Variants in SGCZ observed in about 807,000 individuals in gnomAD.
SGCZ encodes the protein sarcoglycan zeta.
SGCZ carries 40 observed loss-of-function variants against 41.3 expected under a neutral mutation model. That is an observed-to-expected ratio of 0.97 (90% CI 0.75 to 1.26). The LOEUF (loss-of-function observed/expected upper bound fraction) is 1.26, where lower values mean the gene tolerates loss of function less well. SGCZ is among the 50% of genes most tolerant of loss of function. The pLI, the probability that SGCZ is intolerant of heterozygous loss-of-function variation, is 0.00. For missense variants in SGCZ, 552 were observed against 369.8 expected (o/e 1.49, Z -4.04); for synonymous variants, 206 against 137.5 (o/e 1.50, Z -3.49).
chr8:15,073,932 A>T (rs1199970757), intron 1 of SGCZ, among the ~76,000 whole-genome samples: 1 of 152,220 alleles, frequency 6.6e-6, no homozygotes, highest in African/African-American at 2.4e-5. Context: ...TTATCTCTGC[A>T]CATAGGCCAA....
intron 2 of SGCZ, among the ~76,000 whole-genome samples, chr8:14,516,056 T>G (rs1055330189): frequency 2.0e-5 from 3 of 152,048 alleles, no homozygotes; most frequent in Non-Finnish European, 4.4e-5. Context: ...TTGTTAGACA[T>G]AGTGTGGACT....
At chr8:14,775,460 A>AC (rs1358479725) in intron 1 of SGCZ, among the ~76,000 whole-genome samples, 1 of 149,318 alleles carries the variant, frequency 6.7e-6, no homozygotes, top group Middle Eastern at 3.4e-3. Flanking sequence ...AGAATATTTG[A>AC]GTGTGTGTGT....
chr8:14,111,431 T>C (rs904662253), intron 5 of SGCZ, among the ~76,000 whole-genome samples: 2 of 152,086 alleles, frequency 1.3e-5, no homozygotes, highest in Non-Finnish European at 2.9e-5. Flanking sequence ...TCACAGGCTC[T>C]AGAAACCATA....
chr8:14,974,863 G>T (rs1219322672), intron 1 of SGCZ, among the ~76,000 whole-genome samples: 11 of 90,740 alleles, frequency 1.2e-4, no homozygotes, highest in Admixed American at 7.9e-4. Flanking sequence ...AGTGATTTTA[G>T]GAAAAAAAAA....
intron 1 of SGCZ, among the ~76,000 whole-genome samples, chr8:14,941,730 C>A (rs960220074): frequency 6.6e-5 from 10 of 151,564 alleles, no homozygotes; most frequent in African/African-American, 2.4e-4. Context: ...TCTATTCATA[C>A]GTTTATTAGA....
rs577020005 is a variant in SGCZ, at chr8:14,566,400, C to T, written c.40-11474G>A. ...AGATGGGGCCAGTGTGGGTAGATCT[C>T]TCCATCCCTGCTGGGTCGATTCCCT... On this transcript the variant is annotated intron_variant, in intron 1 of 7. Coordinates refer to ENST00000382080, the MANE Select transcript of SGCZ (RefSeq NM_139167.4). 8.8e-3 allele frequency among the ~76,000 whole-genome samples: 1,302 copies of T among 147,960 alleles called. 18 individuals are homozygous for T. The highest frequency in any genetic ancestry group is 0.029 in the African/African-American group (1,187 of 40,950).
At chr8:14,913,338 T>A (rs751010852) in intron 1 of SGCZ, among the ~76,000 whole-genome samples, 1 of 152,044 alleles carries the variant, frequency 6.6e-6, no homozygotes, top group African/African-American at 2.4e-5. Context: ...AGAACAACAC[T>A]GTCTTAATTG....
intron 1 of SGCZ, among the ~76,000 whole-genome samples, chr8:15,201,600 G>A (rs1402284574): frequency 1.3e-5 from 2 of 152,192 alleles, no homozygotes; most frequent in South Asian, 2.1e-4. Context: ...CATTGAGTCT[G>A]CATCTAGGCT....
intron 3 of SGCZ, among the ~76,000 whole-genome samples, chr8:14,321,564 T>A (rs550713737): frequency 6.6e-6 from 1 of 152,194 alleles, no homozygotes; most frequent in Admixed American, 6.6e-5. Flanking sequence ...ATAAGAAAAT[T>A]CTGTATGTCA....
intron 1 of SGCZ, among the ~76,000 whole-genome samples, chr8:15,058,876 A>G (rs540967442): frequency 6.6e-6 from 1 of 152,334 alleles, no homozygotes; most frequent in South Asian, 2.1e-4. Flanking sequence ...TGTTATACAC[A>G]TAGATAGAAT....
intron 1 of SGCZ, among the ~76,000 whole-genome samples, chr8:14,611,191 C>G (rs987179662): frequency 6.6e-6 from 1 of 152,216 alleles, no homozygotes; most frequent in African/African-American, 2.4e-5. Context: ...ACTTACTTTG[C>G]TCTTCCTCAA....
intron 1 of SGCZ, among the ~76,000 whole-genome samples, chr8:14,890,282 C>G (rs148581105): frequency 1.3e-5 from 2 of 149,258 alleles, no homozygotes; most frequent in South Asian, 4.2e-4. Context: ...AGGAAAGAAA[C>G]GAAAGGAAGG....
intron 4 of SGCZ, among the ~76,000 whole-genome samples, chr8:14,182,269 T>G (rs1396148867): frequency 6.6e-6 from 1 of 152,192 alleles, no homozygotes; most frequent in Middle Eastern, 3.2e-3. Flanking sequence ...CCCTGAAGGC[T>G]GTGCAGTGAG....
chr8:14,398,610 C>G (rs925648317), intron 2 of SGCZ, among the ~76,000 whole-genome samples: 4 of 149,900 alleles, frequency 2.7e-5, no homozygotes, highest in Admixed American at 1.3e-4. Flanking sequence ...TCTGGGAGAA[C>G]AAAGAAAAGG....
chr8:15,089,152 C>G (rs1806058949), intron 1 of SGCZ, among the ~76,000 whole-genome samples: 1 of 152,098 alleles, frequency 6.6e-6, no homozygotes, highest in African/African-American at 2.4e-5. Flanking sequence ...ATCTTAGAGA[C>G]AAGCACATAT....
chr8:15,214,471 T>C (rs983923681), intron 1 of SGCZ, among the ~76,000 whole-genome samples: 19 of 152,164 alleles, frequency 1.2e-4, no homozygotes, highest in African/African-American at 4.3e-4. Flanking sequence ...CATCCAACTT[T>C]AATGTGTCTA....
intron 1 of SGCZ, among the ~76,000 whole-genome samples, chr8:14,598,771 C>T (rs1407074235): frequency 3.9e-5 from 6 of 151,990 alleles, no homozygotes; most frequent in African/African-American, 1.5e-4. Flanking sequence ...CTTAAGCAAT[C>T]GCCTGACTTG....
intron 2 of SGCZ, among the ~76,000 whole-genome samples, chr8:14,428,211 T>G (rs1283366575): frequency 7.2e-5 from 11 of 151,850 alleles, no homozygotes; most frequent in Non-Finnish European, 1.6e-4. Flanking sequence ...CATAATTACC[T>G]ATATTATATA....
intron 1 of SGCZ, among the ~76,000 whole-genome samples, chr8:14,990,733 C>T (rs1801985665): frequency 6.6e-6 from 1 of 152,072 alleles, no homozygotes; most frequent in African/African-American, 2.4e-5. Flanking sequence ...AGGCAAGGTA[C>T]TTGAATCATC....
Sources: allele counts gnomAD v4.1 joint callset (sites outside exome capture counted in the v4.1 genomes callset), GRCh38; gene constraint gnomAD v4.1.1; transcripts MANE v1.5; gene names NCBI Gene and HGNC (gene_info 2026-07-23, HGNC 2026-07-21).